The following ZC3HC1 variants were observed in gnomAD, a reference collection of about 807,000 sequenced individuals.
ZC3HC1 encodes the protein zinc finger C3HC-type containing 1.
Under a neutral mutation model 61.9 loss-of-function variants are expected in ZC3HC1, and 38 were observed. That is an observed-to-expected ratio of 0.61 (90% CI 0.47 to 0.81). The LOEUF (loss-of-function observed/expected upper bound fraction) is 0.81. Among genes scored for constraint, ZC3HC1 ranks in the 30% least tolerant of loss-of-function variants. The pLI is 0.00. For synonymous variants in ZC3HC1, 213 were observed against 229.9 expected (o/e 0.93, Z 0.67); for missense variants, 554 against 622.7 (o/e 0.89, Z 1.17).
At chr7:130,027,975 T>C (rs573136167) in intron 5 of ZC3HC1, among the ~76,000 whole-genome samples, 1 of 149,396 alleles carries the variant, frequency 6.7e-6, no homozygotes, top group South Asian at 2.1e-4. Context: ...TAGAACATCC[T>C]GCCCAACACA....
intron 1 of ZC3HC1, among the ~76,000 whole-genome samples, chr7:130,050,099 AC>A (rs1235452612): frequency 2.6e-5 from 4 of 151,898 alleles, no homozygotes; most frequent in African/African-American, 9.7e-5. Flanking sequence ...TTATTTAGAG[AC>A]GGAGTCTCAC....
At position 130,018,594 on chromosome 7, in the gene ZC3HC1, G is replaced by A. The variant is rs1322219353; in HGVS notation, c.*70C>T. On this transcript the variant is annotated 3_prime_UTR_variant, in exon 10 of 10. Transcript: ENST00000358303. Reference sequence around the variant, plus strand: ...AAAACTTAGTGTCAGCTGACCGAAAGGAACTCAGCCTTAATTTTTCAAAAA... The same window carrying A: ...AAAACTTAGTGTCAGCTGACCGAAAAGAACTCAGCCTTAATTTTTCAAAAA... The A allele has an allele frequency of 3.6e-6, 5 of 1,387,386 alleles. No individual in the cohort carries two copies. The African/African-American group carries it at 4.3e-5, about 12-fold the overall frequency. The allele number at this position is 1,387,386 out of a possible 1,614,324, so 85.9% of individuals were successfully genotyped here. A position where few individuals can be genotyped will look rare whatever the true frequency, so the allele number is the denominator to read the frequency against.
chr7:130,043,537 T>C (rs996950319), intron 2 of ZC3HC1: 2 of 173,434 alleles, frequency 1.2e-5, no homozygotes, highest in East Asian at 1.6e-4. Context: ...GATCAATTTA[T>C]AGCCAATGAA....
At chr7:130,050,011 C>G (rs1320477559) in intron 1 of ZC3HC1, among the ~76,000 whole-genome samples, 2 of 151,896 alleles carry the variant, frequency 1.3e-5, no homozygotes, top group Admixed American at 1.3e-4. Flanking sequence ...AAAAACTCAG[C>G]AAAGCAATTC....
intron 2 of ZC3HC1, 80 bp downstream of exon 2, chr7:130,048,953 T>TCA: frequency 9.8e-7 from 1 of 1,022,166 alleles, no homozygotes; most frequent in Non-Finnish European, 1.4e-6. Context: ...GTTTAAAGCA[T>TCA]CACAGTAAGT....
intron 2 of ZC3HC1, 22 bp downstream of exon 2, chr7:130,049,011 C>T: frequency 6.4e-7 from 1 of 1,570,576 alleles, no homozygotes; most frequent in Non-Finnish European, 8.7e-7. Context: ...AAGTGCAATT[C>T]ACATGAACTA....
intron 2 of ZC3HC1, among the ~76,000 whole-genome samples, chr7:130,047,325 ACCTCAGGTGAT>A (rs1794904053): frequency 6.6e-6 from 1 of 151,960 alleles, no homozygotes; most frequent in Non-Finnish European, 1.5e-5. Flanking sequence ...CAAACTCCTG[ACCTCAGGTGAT>A]CCGCCCACCT....
At chr7:130,041,400 G>T (rs1165247996) in intron 2 of ZC3HC1, among the ~76,000 whole-genome samples, 1 of 151,776 alleles carries the variant, frequency 6.6e-6, no homozygotes, top group East Asian at 1.9e-4. Context: ...TGTTGCTCAG[G>T]CTGGTCTTGA....
intron 4 of ZC3HC1, among the ~76,000 whole-genome samples, chr7:130,030,391 G>A (rs886628074): frequency 6.6e-6 from 1 of 151,862 alleles, no homozygotes; most frequent in Non-Finnish European, 1.5e-5. Context: ...ATAAAGACAG[G>A]GTTTCATCAT....
At chr7:130,019,809 G>GTTTTT (rs754542017) in intron 9 of ZC3HC1, among the ~76,000 whole-genome samples, 4 of 95,798 alleles carry the variant, frequency 4.2e-5, no homozygotes, top group Non-Finnish European at 8.3e-5. Flanking sequence ...GCTTTCACAG[G>GTTTTT]TTTTTTTTTT....
chr7:130,049,549 C>CTTTT (rs148074514), intron 1 of ZC3HC1, among the ~76,000 whole-genome samples: 1 of 146,974 alleles, frequency 6.8e-6, no homozygotes, highest in Non-Finnish European at 1.5e-5. Flanking sequence ...AGAAATTCGA[C>CTTTT]TTTTTTTTTT....
intron 4 of ZC3HC1, among the ~76,000 whole-genome samples, chr7:130,032,622 GGA>G (rs112047372): frequency 0.015 from 2,193 of 147,360 alleles, 30 homozygotes; most frequent in Middle Eastern, 0.034. Flanking sequence ...CTGTAGCCTG[GGA>G]GAGAGAGAGA....
chr7:130,035,225 A>G (rs1794383133), intron 4 of ZC3HC1, among the ~76,000 whole-genome samples: 1 of 151,996 alleles, frequency 6.6e-6, no homozygotes, highest in Non-Finnish European at 1.5e-5. Context: ...CCCCGTCTCT[A>G]CTAAAAATAC....
chr7:130,049,204 A>G (rs980002300), intron 1 of ZC3HC1, 60 bp from the exon 2 acceptor site: 3 of 1,264,938 alleles, frequency 2.4e-6, no homozygotes, highest in Non-Finnish European at 2.2e-6. Context: ...CTTAAATGTT[A>G]TCTAGCTTCT....
chr7:130,050,241 C>T (rs1795024861), intron 1 of ZC3HC1, among the ~76,000 whole-genome samples: 1 of 152,090 alleles, frequency 6.6e-6, no homozygotes, highest in South Asian at 2.1e-4. Flanking sequence ...CCACGCCCGG[C>T]TAATTTTTTG....
chr7:130,030,737 G>A (rs1042088562), intron 4 of ZC3HC1, among the ~76,000 whole-genome samples: 24 of 150,118 alleles, frequency 1.6e-4, no homozygotes, highest in Non-Finnish European at 1.8e-4. Flanking sequence ...GCGTGATCTC[G>A]GCTCACTGCA....
At chr7:130,040,423 G>A (rs1326379820) in intron 3 of ZC3HC1, among the ~76,000 whole-genome samples, 1 of 141,220 alleles carries the variant, frequency 7.1e-6, no homozygotes, top group African/African-American at 3.0e-5. Context: ...GAACCCAGGA[G>A]GCGGAGCTTA....
In ZC3HC1 at chr7:130,018,644, A is replaced by T; in HGVS notation, c.*20T>A. Reference sequence around the variant, plus strand: ...AGTCACTCTCATTCCAGCTATCTCCAGGAAGGCGCTGGAGTATCTTCAGCA... The same window carrying T: ...AGTCACTCTCATTCCAGCTATCTCCTGGAAGGCGCTGGAGTATCTTCAGCA... On this transcript the variant is annotated 3_prime_UTR_variant, in exon 10 of 10. Coordinates refer to ENST00000358303, the MANE Select transcript of ZC3HC1 (RefSeq NM_016478.5). The T allele has an allele frequency of 6.3e-7, 1 of 1,593,588 alleles. No individual in the cohort carries two copies. Among genetic ancestry groups the T allele is most frequent in the South Asian group, 1.1e-5 (1 of 88,720 alleles).
intron 9 of ZC3HC1, 76 bp from the exon 10 acceptor site, chr7:130,018,808 G>T: frequency 1.5e-6 from 2 of 1,337,226 alleles, no homozygotes; most frequent in South Asian, 1.2e-5. Flanking sequence ...GTCCCACAAT[G>T]ATCTGGATAT....
Sources: gnomAD v4.1 joint callset for allele counts (sites outside exome capture counted in the v4.1 genomes callset) on GRCh38, gnomAD v4.1.1 for gene constraint, MANE v1.5 for transcripts, NCBI Gene and HGNC (gene_info 2026-07-23, HGNC 2026-07-21) for gene names.